ANGPT2: variants seen among roughly 807,000 people sequenced by gnomAD.
ANGPT2 encodes the protein angiopoietin-2.
A neutral mutation model predicts 62.9 loss-of-function variants in ANGPT2; 28 were observed. The ratio of observed to expected loss-of-function variants is 0.44; its 90% CI spans 0.33 to 0.61. The LOEUF is 0.61. ANGPT2 is among the 20% of genes least tolerant of loss of function. The probability of loss-of-function intolerance (pLI) is 0.03; values close to 1 mark genes in which losing one functional copy is unlikely to be tolerated. For missense variants in ANGPT2, 727 were observed against 594.9 expected, an observed-to-expected ratio of 1.22 and a Z score of -2.31; for synonymous variants, 284 against 207.8, an observed-to-expected ratio of 1.37 and a Z score of -3.15.
intron 3 of ANGPT2, among the ~76,000 whole-genome samples, chr8:6,523,219 G>T (rs964001622): frequency 3.3e-5 from 5 of 152,040 alleles, no homozygotes; most frequent in Non-Finnish European, 5.9e-5. Context: ...GGGTGGTCTC[G>T]ATCTCCTGAC....
intron 3 of ANGPT2, among the ~76,000 whole-genome samples, chr8:6,524,605 C>T (rs1399672650): frequency 6.6e-6 from 1 of 152,164 alleles, no homozygotes; most frequent in Non-Finnish European, 1.5e-5. Context: ...CTACCATGTA[C>T]GAGGTGTTTT....
At chr8:6,515,207 C>T (rs531003437) in intron 5 of ANGPT2, among the ~76,000 whole-genome samples, 1 of 133,872 alleles carries the variant, frequency 7.5e-6, no homozygotes, top group African/African-American at 2.6e-5. Context: ...TCACTAAATG[C>T]CAGCCCCTGC....
rs370971954 is a variant in ANGPT2, at chr8:6,534,340, G to A, written c.289-1853C>T. ...GATGATTTAGAGTATACGAGAGGATGTGTATAGGTTATATGCAGATCTACC... is the reference window on the plus strand; with the variant it reads ...GATGATTTAGAGTATACGAGAGGATATGTATAGGTTATATGCAGATCTACC... On this transcript the variant is annotated intron_variant, in intron 1 of 8. Transcript: ENST00000629816. 5.3e-5 allele frequency among the ~76,000 whole-genome samples: 8 copies of A among 152,024 alleles called. No homozygotes were observed. In the East Asian group the frequency reaches 5.8e-4, roughly 11 times the overall value.
chr8:6,513,639 C>A, intron 7 of ANGPT2, 39 bp downstream of exon 7: 1 of 1,579,438 alleles, frequency 6.3e-7, no homozygotes, highest in Non-Finnish European at 8.6e-7. Context: ...GGCCACAAAT[C>A]TTTTAATTTT....
chr8:6,560,851 G>T (rs969286854), intron 1 of ANGPT2, among the ~76,000 whole-genome samples: 7 of 152,238 alleles, frequency 4.6e-5, no homozygotes, highest in African/African-American at 1.7e-4. Context: ...TATACCTAAT[G>T]TAAGTTAATT....
chr8:6,562,552 C>CTTCTTTTTTTTTTTTTTTTTTTTTT (rs1825700604), intron 1 of ANGPT2, 95 bp downstream of exon 1: 1 of 71,748 alleles, frequency 1.4e-5, no homozygotes, highest in African/African-American at 6.3e-5. Flanking sequence ...CATCCTCCTT[C>CTTCTTTTTTTTTTTTTTTTTTTTTT]TTTTTTTTTT....
chr8:6,536,079 T>A (rs1184379513), intron 1 of ANGPT2, among the ~76,000 whole-genome samples: 1 of 151,970 alleles, frequency 6.6e-6, no homozygotes, highest in Non-Finnish European at 1.5e-5. Context: ...AAATTAAAAT[T>A]AAAAGTAAAA....
At chr8:6,524,687 T>A (rs932122686) in intron 3 of ANGPT2, among the ~76,000 whole-genome samples, 1 of 152,228 alleles carries the variant, frequency 6.6e-6, no homozygotes, top group Non-Finnish European at 1.5e-5. Flanking sequence ...GAAATTTAGA[T>A]GTTTTGATGG....
intron 8 of ANGPT2, among the ~76,000 whole-genome samples, chr8:6,505,385 C>CATAAAGAA (rs1813287727): frequency 2.2e-5 from 1 of 45,576 alleles, no homozygotes; most frequent in African/African-American, 7.2e-5. Context: ...TATATTCTTT[C>CATAAAGAA]TATATGTATA....
At chr8:6,508,572 G>A (rs756954281) in intron 8 of ANGPT2, 3 of 418,272 alleles carry the variant, frequency 7.2e-6, no homozygotes, top group Non-Finnish European at 1.3e-5. Flanking sequence ...TGTTGTGGTT[G>A]CTACTTGGAA....
intron 8 of ANGPT2, among the ~76,000 whole-genome samples, chr8:6,503,576 A>C (rs1365528553): frequency 6.6e-6 from 1 of 152,202 alleles, no homozygotes; most frequent in African/African-American, 2.4e-5. Flanking sequence ...CAGCAGGAGT[A>C]AGCAAACATC....
intron 5 of ANGPT2, 21 bp from the exon 6 acceptor site, chr8:6,514,799 T>C (rs752891870): frequency 6.2e-7 from 1 of 1,606,350 alleles, no homozygotes; most frequent in South Asian, 1.1e-5. Context: ...GAATGCAGGG[T>C]ATAAGTGACA....
chr8:6,550,324 C>T (rs1357133508), intron 1 of ANGPT2, among the ~76,000 whole-genome samples: 1 of 152,112 alleles, frequency 6.6e-6, no homozygotes, highest in Non-Finnish European at 1.5e-5. Context: ...TGTGTGGGTC[C>T]TGGGAGTGAG....
At position 6,532,485 on chromosome 8, in the gene ANGPT2, A is replaced by T; in HGVS notation, c.291T>A (p.Leu97=). The change falls in exon 2 of 9, where the codon CTT becomes CTA. Residue 97 remains leucine, a splice_region_variant and synonymous_variant. Transcript: ENST00000629816. The stretch of plus-strand genomic sequence containing the variant: ...TCATGTTGTCCTGGATATAATTCTC[A>T]AGCTAGAAAAGAACAGTGTTAGAAG... ...MENNTQWLMK[L]ENYIQDNMKK... is the part of the protein sequence containing the mutation. 1 of 1,610,748 alleles carries T rather than the reference A, an allele frequency of 6.2e-7. No individual in the cohort carries two copies. The highest frequency in any genetic ancestry group is 8.5e-7 in the Non-Finnish European group (1 of 1,178,610).
At position 6,563,029 on chromosome 8, in the gene ANGPT2, AC is replaced by A; in HGVS notation, c.-96del. On this transcript the variant is annotated 5_prime_UTR_variant, in exon 1 of 9. An upstream open reading frame in the 5' UTR loses its in-frame stop. Coordinates refer to ENST00000629816, the MANE Select transcript of ANGPT2 (RefSeq NM_001118887.2). ...CTGCCGTCTAAAACGCAGGGCTGCT[AC>A]GCTGCCATGGCTGGGTCCGTCAATG... is the stretch of plus-strand genomic sequence containing the variant. The A allele has an allele frequency of 7.4e-7, 1 of 1,360,134 alleles. No homozygotes were observed. Among genetic ancestry groups the A allele is most frequent in the Non-Finnish European group, 9.9e-7 (1 of 1,007,142 alleles). The allele number at this position is 1,360,134 out of a possible 1,614,324, so 84.3% of individuals were successfully genotyped here. A position where few individuals can be genotyped will look rare whatever the true frequency, so the allele number is the denominator to read the frequency against.
intron 1 of ANGPT2, among the ~76,000 whole-genome samples, chr8:6,538,075 G>T (rs1820827129): frequency 6.6e-6 from 1 of 152,080 alleles, no homozygotes; most frequent in Non-Finnish European, 1.5e-5. Flanking sequence ...TTCGAAATAG[G>T]ATTTTGCAAC....
At chr8:6,522,098 G>C (rs1429863858) in intron 3 of ANGPT2, among the ~76,000 whole-genome samples, 2 of 152,122 alleles carry the variant, frequency 1.3e-5, no homozygotes, top group Middle Eastern at 3.2e-3. Context: ...GCTCACGCTT[G>C]TAATCCCAGC....
chr8:6,512,591 T>C (rs1466880787), intron 7 of ANGPT2, among the ~76,000 whole-genome samples: 1 of 152,230 alleles, frequency 6.6e-6, no homozygotes, highest in Non-Finnish European at 1.5e-5. Flanking sequence ...GTCTCACTTC[T>C]CTGCCCCTCC....
intron 5 of ANGPT2, among the ~76,000 whole-genome samples, chr8:6,516,488 C>A (rs897841751): frequency 4.6e-5 from 7 of 152,270 alleles, no homozygotes; most frequent in African/African-American, 9.6e-5. Flanking sequence ...AGAAACCTGA[C>A]CCTTTGGTAA....
Sources: allele counts gnomAD v4.1 joint callset (sites outside exome capture counted in the v4.1 genomes callset), GRCh38; gene constraint gnomAD v4.1.1; transcripts MANE v1.5; gene names NCBI Gene and HGNC (gene_info 2026-07-23, HGNC 2026-07-21).